TTC39B: variants seen among roughly 807,000 people sequenced by gnomAD.
The protein encoded by TTC39B is tetratricopeptide repeat protein 39B.
TTC39B carries 92 observed loss-of-function variants against 96.6 expected under a neutral mutation model. That is an observed-to-expected ratio of 0.95 (90% CI 0.80 to 1.13). The LOEUF is 1.13. TTC39B is among the 50% of genes most tolerant of loss of function. TTC39B has a pLI of 0.00. For missense variants in TTC39B, 955 were observed against 809.3 expected (o/e 1.18, Z -2.18); for synonymous variants, 367 against 299.4 (o/e 1.23, Z -2.33).
Position 15,176,734 on chromosome 9 carries a change from G to C in TTC39B, c.1841+963C>G, listed in dbSNP as rs75554759. On this transcript the variant is annotated intron_variant, in intron 18 of 19. Coordinates refer to ENST00000512701, the Ensembl canonical transcript of TTC39B. ...CAATAATCAAATAGAGCTGAGGAGTGTGGCTACACTCTTCAGAGAAAACAC... is the reference window on the plus strand; with the variant it reads ...CAATAATCAAATAGAGCTGAGGAGTCTGGCTACACTCTTCAGAGAAAACAC... Among the ~76,000 whole-genome samples the C allele has an allele frequency of 6.6e-3, 1,000 of 152,242 alleles. 10 individuals carry two copies. The highest frequency in any genetic ancestry group is 0.023 in the African/African-American group (942 of 41,524).
At chr9:15,288,525 C>T (rs1483238143) in intron 1 of TTC39B, among the ~76,000 whole-genome samples, 2 of 152,128 alleles carry the variant, frequency 1.3e-5, no homozygotes, top group Non-Finnish European at 2.9e-5. Flanking sequence ...GGAAGATCAT[C>T]TTCCCACTCC....
exon 20 of TTC39B, chr9:15,170,556 C>T (rs1817615659): frequency 6.6e-6 from 1 of 152,134 alleles, no homozygotes; most frequent in Non-Finnish European, 1.5e-5. Flanking sequence ...CCAAATACCA[C>T]ACCGCTATCC....
chr9:15,206,169 T>C (rs1819843547), intron 6 of TTC39B, among the ~76,000 whole-genome samples: 1 of 152,192 alleles, frequency 6.6e-6, no homozygotes, highest in Admixed American at 6.5e-5. Flanking sequence ...TTAAATCCCT[T>C]TCACATCCCA....
At chr9:15,176,354 T>C (rs770393733) in intron 18 of TTC39B, among the ~76,000 whole-genome samples, 10 of 152,194 alleles carry the variant, frequency 6.6e-5, no homozygotes, top group South Asian at 2.1e-4. Flanking sequence ...ACTAATAAAA[T>C]AGAATTCAAT....
rs114328012 is a variant in TTC39B, at chr9:15,177,672, G to T, written c.1841+25C>A. The T allele has an allele frequency of 1.1e-3, 1,719 of 1,508,384 alleles. 17 individuals carry two copies. In the African/African-American group the frequency reaches 0.022, roughly 19 times the overall value. The allele number at this position is 1,508,384 out of a possible 1,614,324, so 93.4% of individuals were successfully genotyped here. On this transcript the variant is annotated intron_variant, in intron 18 of 19. Coordinates refer to ENST00000512701, the Ensembl canonical transcript of TTC39B. Reference sequence around the variant, plus strand: ...CCCCAGAAACCACAATTTGCACTTGGGCTGGTTTTATTGTTTGGTCTTACC... The same window carrying T: ...CCCCAGAAACCACAATTTGCACTTGTGCTGGTTTTATTGTTTGGTCTTACC...
chr9:15,254,862 AAC>A (rs1324900089), intron 2 of TTC39B, among the ~76,000 whole-genome samples: 6 of 118,210 alleles, frequency 5.1e-5, no homozygotes, highest in Non-Finnish European at 1.0e-4. Flanking sequence ...CACACACACA[AAC>A]ACACACACTT....
chr9:15,271,785 T>C (rs1823362464), intron 1 of TTC39B, among the ~76,000 whole-genome samples: 1 of 152,224 alleles, frequency 6.6e-6, no homozygotes, highest in African/African-American at 2.4e-5. Context: ...TTATAAATAC[T>C]AGTTCCTCAA....
chr9:15,194,764 T>C (rs77272657), intron 8 of TTC39B, among the ~76,000 whole-genome samples: 1,834 of 152,336 alleles, frequency 0.012, 37 homozygotes, highest in African/African-American at 0.042. Flanking sequence ...AATGTTACTA[T>C]TACAGTAATT....
At chr9:15,262,346 A>G (rs907756404) in intron 2 of TTC39B, among the ~76,000 whole-genome samples, 2 of 152,044 alleles carry the variant, frequency 1.3e-5, no homozygotes, top group Non-Finnish European at 2.9e-5. Context: ...TGATCCACCC[A>G]CCTCAGCCTC....
At chr9:15,192,852 G>A (rs986982060) in intron 8 of TTC39B, among the ~76,000 whole-genome samples, 157 bp from the exon 9 acceptor site, 2 of 152,084 alleles carry the variant, frequency 1.3e-5, no homozygotes, top group Non-Finnish European at 2.9e-5. Flanking sequence ...TACTCTTAAG[G>A]ATACTAGGTA....
chr9:15,305,763 T>G (rs1002234188), intron 1 of TTC39B, among the ~76,000 whole-genome samples: 2 of 150,642 alleles, frequency 1.3e-5, no homozygotes, highest in Non-Finnish European at 2.9e-5. Flanking sequence ...TCCGAAACAG[T>G]CCCAGTTTAC....
chr9:15,268,777 C>T (rs1479809553), intron 1 of TTC39B, among the ~76,000 whole-genome samples: 1 of 152,210 alleles, frequency 6.6e-6, no homozygotes, highest in South Asian at 2.1e-4. Flanking sequence ...TCTCCCTACT[C>T]CTGTGCTTGA....
At chr9:15,203,338 C>T (rs1231517733) in intron 7 of TTC39B, among the ~76,000 whole-genome samples, 2 of 152,154 alleles carry the variant, frequency 1.3e-5, no homozygotes, top group African/African-American at 4.8e-5. Flanking sequence ...GAAATCTCCA[C>T]CTCCCAGGTT....
chr9:15,233,499 G>A (rs1248901870), intron 2 of TTC39B, among the ~76,000 whole-genome samples: 1 of 150,152 alleles, frequency 6.7e-6, no homozygotes, highest in African/African-American at 2.4e-5. Flanking sequence ...GCGATTGCAG[G>A]CGCACGCCGC....
intron 13 of TTC39B, among the ~76,000 whole-genome samples, chr9:15,188,465 C>A (rs117240041): frequency 6.6e-6 from 1 of 152,036 alleles, no homozygotes; most frequent in Admixed American, 6.6e-5. Flanking sequence ...GAGTTACAGG[C>A]AACAGACAGG....
chr9:15,301,446 C>T (rs747302143), intron 1 of TTC39B, among the ~76,000 whole-genome samples: 2 of 152,146 alleles, frequency 1.3e-5, no homozygotes, highest in Non-Finnish European at 2.9e-5. Flanking sequence ...GTTCAATGAA[C>T]GTTGGTGGAA....
At chr9:15,283,725 T>G (rs1248161506) in intron 1 of TTC39B, among the ~76,000 whole-genome samples, 1 of 152,224 alleles carries the variant, frequency 6.6e-6, no homozygotes, top group Non-Finnish European at 1.5e-5. Flanking sequence ...CAGGGATTCC[T>G]GTGCATATCG....
At chr9:15,195,525 C>T (rs1432358885) in intron 8 of TTC39B, among the ~76,000 whole-genome samples, 2 of 151,990 alleles carry the variant, frequency 1.3e-5, no homozygotes, top group Middle Eastern at 3.4e-3. Context: ...CAAAAATTAG[C>T]CAGGCACGGT....
At chr9:15,221,671 C>T (rs984496708) in intron 3 of TTC39B, among the ~76,000 whole-genome samples, 1 of 152,100 alleles carries the variant, frequency 6.6e-6, no homozygotes, top group African/African-American at 2.4e-5. Context: ...CCCTGTGTGC[C>T]GCAGTGCTTC....
Sources: gnomAD v4.1 joint callset for allele counts (sites outside exome capture counted in the v4.1 genomes callset) on GRCh38, gnomAD v4.1.1 for gene constraint, MANE v1.5 for transcripts, NCBI Gene and HGNC (gene_info 2026-07-23, HGNC 2026-07-21) for gene names.